The following RHOBTB3 variants were observed in gnomAD, a reference collection of about 807,000 sequenced individuals.
RHOBTB3 encodes the protein rho-related BTB domain-containing protein 3.
Under a neutral mutation model 67.2 loss-of-function variants are expected in RHOBTB3, and 47 were observed. The ratio of observed to expected loss-of-function variants is 0.70; its 90% CI spans 0.55 to 0.89. The LOEUF (loss-of-function observed/expected upper bound fraction) is 0.89, where lower values mean the gene tolerates loss of function less well. RHOBTB3 is among the 40% of genes least tolerant of loss of function. The pLI, the probability that RHOBTB3 is intolerant of heterozygous loss-of-function variation, is 0.00. For synonymous variants in RHOBTB3, 273 were observed against 274.2 expected (o/e 1.00, Z 0.04); for missense variants, 631 against 750.0 (o/e 0.84, Z 1.85).
At chr5:95,788,637 A>G (rs566199850) in intron 10 of RHOBTB3, 125 bp from the exon 11 acceptor site, 8 of 629,330 alleles carry the variant, frequency 1.3e-5, no homozygotes, top group East Asian at 3.3e-5. Flanking sequence ...TGAAAGCTGC[A>G]TCAGGTAAAG....
rs200609182 is a variant in RHOBTB3, at chr5:95,757,788, G to A, written c.1048+2027G>A. 1.2e-4 allele frequency among the ~76,000 whole-genome samples: 18 copies of A among 152,242 alleles called. No individual in the cohort carries two copies. In the East Asian group the frequency reaches 2.3e-3, roughly 20 times the overall value. ...ACACACCCAGCACATTGCCTTCAAC[G>A]GGTTCTCTGTAAGTTTTAGTTGAAT... is the stretch of plus-strand genomic sequence containing the variant. On this transcript the variant is annotated intron_variant, in intron 6 of 11. Transcript: ENST00000379982.
At chr5:95,767,350 T>A (rs1349044683) in intron 7 of RHOBTB3, among the ~76,000 whole-genome samples, 9 of 152,102 alleles carry the variant, frequency 5.9e-5, no homozygotes, top group Non-Finnish European at 1.3e-4. Context: ...TTCTTTTTTT[T>A]TTTTGGAGAC....
intron 8 of RHOBTB3, chr5:95,770,605 G>T (rs1454086884): frequency 1.1e-5 from 5 of 467,616 alleles, no homozygotes; most frequent in Non-Finnish European, 2.2e-5. Flanking sequence ...TGCTGCTTGG[G>T]TGGCTTCTCC....
At chr5:95,770,123 C>A in intron 8 of RHOBTB3, 1 of 260,888 alleles carries the variant, frequency 3.8e-6, no homozygotes, top group African/African-American at 2.3e-5. Context: ...AAATTGTATT[C>A]AAGAAATCAT....
At chr5:95,724,427 G>A (rs1249358248) in intron 1 of RHOBTB3, among the ~76,000 whole-genome samples, 1 of 152,210 alleles carries the variant, frequency 6.6e-6, no homozygotes, top group Non-Finnish European at 1.5e-5. Flanking sequence ...AATGTTTGGG[G>A]AGTTAGAAAA....
At chr5:95,767,245 C>T (rs6885784) in intron 7 of RHOBTB3, among the ~76,000 whole-genome samples, 1 of 151,886 alleles carries the variant, frequency 6.6e-6, no homozygotes. Flanking sequence ...CATTACTCTA[C>T]GTTATTTTTT....
At chr5:95,743,041 A>T (rs1755643505) in intron 3 of RHOBTB3, among the ~76,000 whole-genome samples, 1 of 152,254 alleles carries the variant, frequency 6.6e-6, no homozygotes, top group South Asian at 2.1e-4. Flanking sequence ...ACTACACTCC[A>T]GCCTGGGGGA....
intron 10 of RHOBTB3, among the ~76,000 whole-genome samples, chr5:95,785,247 T>A (rs1746187597): frequency 6.6e-6 from 1 of 152,236 alleles, no homozygotes. Flanking sequence ...ATTTCTCTCA[T>A]AATCAAGTCT....
upstream of RHOBTB3, among the ~76,000 whole-genome samples, chr5:95,729,475 T>C (rs745938165): frequency 1.3e-5 from 2 of 152,212 alleles, no homozygotes; most frequent in Non-Finnish European, 2.9e-5. Flanking sequence ...TATTTTTATA[T>C]TGTCATAAAA....
intron 6 of RHOBTB3, among the ~76,000 whole-genome samples, chr5:95,757,776 A>G (rs1443039055): frequency 2.6e-5 from 4 of 152,220 alleles, no homozygotes; most frequent in Non-Finnish European, 5.9e-5. Context: ...CACCCAGCAC[A>G]TTGCCTTCAA....
intron 10 of RHOBTB3, 70 bp from the exon 11 acceptor site, chr5:95,788,692 C>A: frequency 9.9e-7 from 1 of 1,008,806 alleles, no homozygotes; most frequent in Non-Finnish European, 1.5e-6. Context: ...GCTCCCAGGC[C>A]GTTCTCTTGA....
chr5:95,780,249 C>G lies in RHOBTB3; in HGVS notation c.1283-3C>G. The G allele has an allele frequency of 6.2e-7, 1 of 1,612,610 alleles. No individual in the cohort carries two copies. Among genetic ancestry groups the G allele is most frequent in the Non-Finnish European group, 8.5e-7 (1 of 1,179,088 alleles). ...TTTCTTGTTTCCCTTTTGAACCTTT[C>G]AGGTACGACAGTGCCAGCCCACAGG... is the stretch of plus-strand genomic sequence containing the variant. On this transcript the variant is annotated splice_polypyrimidine_tract_variant and splice_region_variant and intron_variant, in intron 8 of 11. Transcript: ENST00000379982.
intron 4 of RHOBTB3, among the ~76,000 whole-genome samples, chr5:95,750,388 C>T (rs892150078): frequency 6.6e-6 from 1 of 152,178 alleles, no homozygotes; most frequent in Non-Finnish European, 1.5e-5. Context: ...TAGACCTGCG[C>T]TGTCCAGTAT....
intron 7 of RHOBTB3, among the ~76,000 whole-genome samples, chr5:95,764,730 T>C (rs1354799580): frequency 6.6e-6 from 1 of 152,366 alleles, no homozygotes; most frequent in East Asian, 1.9e-4. Flanking sequence ...CTTTTCTGTT[T>C]TCTAAAACCT....
intron 4 of RHOBTB3, among the ~76,000 whole-genome samples, chr5:95,750,900 G>T (rs1257318651): frequency 1.3e-5 from 2 of 152,240 alleles, no homozygotes; most frequent in Non-Finnish European, 2.9e-5. Flanking sequence ...CTCTCCCTTT[G>T]CTGTATGAAC....
chr5:95,717,705 G>A, exon 1 of RHOBTB3: 1 of 152,268 alleles, frequency 6.6e-6, no homozygotes, highest in Non-Finnish European at 1.5e-5. Flanking sequence ...CCAGTGGATG[G>A]AGCAGGATGG....
chr5:95,782,867 T>C (rs1221426056), intron 9 of RHOBTB3: 1 of 150,996 alleles, frequency 6.6e-6, no homozygotes, highest in African/African-American at 2.4e-5. Flanking sequence ...TTATGTTTAT[T>C]TTATCATAAT....
chr5:95,768,726 G>T (rs984380793), intron 8 of RHOBTB3, among the ~76,000 whole-genome samples: 1 of 152,198 alleles, frequency 6.6e-6, no homozygotes, highest in African/African-American at 2.4e-5. Context: ...ACTGAGAGCT[G>T]CTGCTTATCT....
upstream of RHOBTB3, among the ~76,000 whole-genome samples, chr5:95,729,076 C>G (rs1315338958): frequency 2.0e-5 from 3 of 152,208 alleles, no homozygotes; most frequent in Non-Finnish European, 1.5e-5. Flanking sequence ...TAATCCACCC[C>G]TTGTTTAGCA....
Sources: gnomAD v4.1 joint callset for allele counts (sites outside exome capture counted in the v4.1 genomes callset) on GRCh38, gnomAD v4.1.1 for gene constraint, MANE v1.5 for transcripts, NCBI Gene and HGNC (gene_info 2026-07-23, HGNC 2026-07-21) for gene names.